The following STRN3 variants were observed in gnomAD, a reference collection of about 807,000 sequenced individuals.
STRN3 encodes striatin 3.
STRN3 carries 29 observed loss-of-function variants against 95.6 expected under a neutral mutation model. That is an observed-to-expected ratio of 0.30 (90% CI 0.23 to 0.41). STRN3 has a LOEUF of 0.41. Among genes scored for constraint, STRN3 ranks in the 10% least tolerant of loss-of-function variants. The pLI is 1.00. For missense variants in STRN3, 890 were observed against 972.1 expected (o/e 0.92, Z 1.12); for synonymous variants, 331 against 357.6 (o/e 0.93, Z 0.84).
At chr14:30,994,782 T>A (rs911964826) in intron 1 of STRN3, among the ~76,000 whole-genome samples, 1 of 152,252 alleles carries the variant, frequency 6.6e-6, no homozygotes, top group African/African-American at 2.4e-5. Context: ...TGCCTCATAA[T>A]AAGACATGCA....
intron 8 of STRN3, among the ~76,000 whole-genome samples, chr14:30,920,788 A>G (rs1245815851): frequency 3.3e-5 from 5 of 152,122 alleles, no homozygotes; most frequent in Non-Finnish European, 7.4e-5. Context: ...CACATTTATT[A>G]TATCTCCCTT....
chr14:31,003,268 A>AC (rs1882553933), intron 1 of STRN3, among the ~76,000 whole-genome samples: 1 of 151,840 alleles, frequency 6.6e-6, no homozygotes, highest in Non-Finnish European at 1.5e-5. Flanking sequence ...CTCCAAAAAA[A>AC]AAAAAAAGAA....
intron 3 of STRN3, among the ~76,000 whole-genome samples, chr14:30,954,432 C>T (rs183396269): frequency 6.6e-5 from 10 of 152,032 alleles, no homozygotes; most frequent in South Asian, 4.2e-4. Flanking sequence ...ATATAAAAGG[C>T]GACATTGTTT....
intron 1 of STRN3, among the ~76,000 whole-genome samples, chr14:30,998,300 G>A (rs542940179): frequency 6.6e-5 from 10 of 152,292 alleles, no homozygotes; most frequent in African/African-American, 1.7e-4. Flanking sequence ...TAATATTGTG[G>A]CTGCCTGAGG....
At chr14:30,987,180 T>C (rs181283806) in intron 1 of STRN3, among the ~76,000 whole-genome samples, 22 of 152,240 alleles carry the variant, frequency 1.4e-4, no homozygotes, top group African/African-American at 4.8e-4. Context: ...AAGAGTAACG[T>C]AGAGGCATGG....
chr14:31,003,272 A>G (rs995191401), intron 1 of STRN3, among the ~76,000 whole-genome samples: 15 of 151,820 alleles, frequency 9.9e-5, no homozygotes, highest in African/African-American at 3.6e-4. Flanking sequence ...AAAAAAAAAA[A>G]AAAGAAAAGA....
Position 30,947,243 on chromosome 14 carries a change from T to A in STRN3, c.563A>T (p.Tyr188Phe). Residue 188 changes from tyrosine (Y) to phenylalanine (F), a missense_variant, in exon 5 of 18, where the codon TAT becomes TTT. Transcript: ENST00000357479. The part of the protein sequence containing the change: ...LLRQYLQEVG[Y>F]TDTILDVRSQ... The stretch of plus-strand genomic sequence containing the variant: ...CCGTACATCTAATATTGTATCTGTA[T>A]AACCTACTTCCTGAAGATACCTGTA... The A allele has an allele frequency of 1.3e-6, 2 of 1,596,774 alleles. No individual in the cohort carries two copies. The highest frequency in any genetic ancestry group is 1.7e-6 in the Non-Finnish European group (2 of 1,174,348).
At chr14:30,975,078 A>T (rs1347504020) in intron 1 of STRN3, among the ~76,000 whole-genome samples, 1 of 41,984 alleles carries the variant, frequency 2.4e-5, no homozygotes, top group African/African-American at 6.3e-5. Context: ...CCCAGAGGAA[A>T]AGAAATTATT....
intron 1 of STRN3, among the ~76,000 whole-genome samples, chr14:30,982,256 T>C (rs1881448389): frequency 6.6e-6 from 1 of 152,104 alleles, no homozygotes; most frequent in African/African-American, 2.4e-5. Context: ...TCCTCAAAGA[T>C]CTCAATGACA....
intron 1 of STRN3, among the ~76,000 whole-genome samples, chr14:30,983,998 G>A (rs1881536243): frequency 6.6e-6 from 1 of 151,752 alleles, no homozygotes; most frequent in African/African-American, 2.4e-5. Context: ...ACTAGGTTGC[G>A]TCTAGGAAGG....
intron 10 of STRN3, 40 bp from the exon 11 acceptor site, chr14:30,912,222 A>C (rs778733219): frequency 6.3e-7 from 1 of 1,585,338 alleles, no homozygotes; most frequent in Non-Finnish European, 8.6e-7. Flanking sequence ...TAAAAGTAGT[A>C]AACTGGAAGG....
chr14:30,895,717 C>T lies in STRN3; in HGVS notation c.2169G>A (p.Leu723=). 1 of 1,613,824 alleles carries T rather than the reference C, an allele frequency of 6.2e-7. No individual in the cohort carries two copies. Among genetic ancestry groups the T allele is most frequent in the Middle Eastern group, 1.7e-4 (1 of 6,052 alleles). ...CTACTGCTAGACTTGTAACAGCATC[C>T]AAGTGAGCTACCATAGAATGGATCA... ...GKMIHSMVAH[L]DAVTSLAVDP... is the part of the protein sequence containing the mutation. Residue 723 remains leucine, a synonymous_variant, in exon 17 of 18, where the codon TTG becomes TTA. Coordinates refer to ENST00000357479, the MANE Select transcript of STRN3 (RefSeq NM_001083893.2).
chr14:30,900,282 C>T (rs757965476), intron 16 of STRN3, among the ~76,000 whole-genome samples: 1 of 151,450 alleles, frequency 6.6e-6, no homozygotes, highest in Non-Finnish European at 1.5e-5. Flanking sequence ...TCACTTGAAC[C>T]CAGGAGGCAG....
At position 30,914,350 on chromosome 14, in the gene STRN3, C is replaced by CTTTA. The variant is rs537266886; in HGVS notation, c.1241-697_1241-694dup. Among the ~76,000 whole-genome samples, 873 of 152,040 alleles carry CTTTA rather than the reference C, an allele frequency of 5.7e-3. 7 individuals are homozygous for CTTTA. Among genetic ancestry groups the CTTTA allele is most frequent in the Middle Eastern group, 0.017 (5 of 294 alleles). ...ACGTGGTCTTCAGAATGTCTTCCAG[C>CTTTA]TTTATTTATTTATTTATTTAGAGAC... On this transcript the variant is annotated intron_variant, in intron 9 of 17. Coordinates refer to ENST00000357479, the MANE Select transcript of STRN3 (RefSeq NM_001083893.2).
chr14:30,979,148 G>C (rs1459048496), intron 1 of STRN3, among the ~76,000 whole-genome samples: 1 of 150,436 alleles, frequency 6.6e-6, no homozygotes, highest in African/African-American at 2.4e-5. Context: ...TTTAGATTTT[G>C]AAAGTCAAAA....
intron 4 of STRN3, 146 bp from the exon 5 acceptor site, chr14:30,947,409 G>A (rs140908297): frequency 2.4e-4 from 146 of 603,196 alleles, no homozygotes; most frequent in Admixed American, 8.6e-4. Context: ...ACTAGTTCCA[G>A]TTCTAAGAGA....
intron 1 of STRN3, among the ~76,000 whole-genome samples, chr14:30,999,287 T>TC (rs1882339233): frequency 6.6e-6 from 1 of 152,128 alleles, no homozygotes; most frequent in African/African-American, 2.4e-5. Context: ...GGTCAAGCGA[T>TC]CCTCCCACCT....
At chr14:30,919,939 T>G (rs1000299788) in intron 8 of STRN3, among the ~76,000 whole-genome samples, 5 of 152,140 alleles carry the variant, frequency 3.3e-5, no homozygotes, top group Non-Finnish European at 7.4e-5. Flanking sequence ...AAATAAGTTT[T>G]AAGAATGTCA....
intron 1 of STRN3, among the ~76,000 whole-genome samples, chr14:31,000,412 T>C (rs1882391083): frequency 6.6e-6 from 1 of 151,954 alleles, no homozygotes; most frequent in Non-Finnish European, 1.5e-5. Flanking sequence ...GGAACAAAGT[T>C]CTTTTATATA....
Sources: gnomAD v4.1 joint callset for allele counts (sites outside exome capture counted in the v4.1 genomes callset) on GRCh38, gnomAD v4.1.1 for gene constraint, MANE v1.5 for transcripts, NCBI Gene and HGNC (gene_info 2026-07-23, HGNC 2026-07-21) for gene names.